Variants in C8A observed in about 807,000 individuals in gnomAD.
C8A encodes the protein complement component C8 alpha chain.
A neutral mutation model predicts 65.3 loss-of-function variants in C8A; 67 were observed. The observed-to-expected ratio is 1.03, with a 90% CI of 0.84 to 1.26. C8A has a LOEUF of 1.26. Ranked by LOEUF, C8A falls within the 50% of genes most tolerant of loss-of-function variation. The pLI, the probability that C8A is intolerant of heterozygous loss-of-function variation, is 0.00. For synonymous variants in C8A, 290 were observed against 259.4 expected, an observed-to-expected ratio of 1.12 and a Z score of -1.13; for missense variants, 781 against 723.9, an observed-to-expected ratio of 1.08 and a Z score of -0.90.
intron 8 of C8A, 99 bp downstream of exon 8, chr1:56,906,891 T>C: frequency 7.0e-7 from 1 of 1,430,566 alleles, no homozygotes; most frequent in Non-Finnish European, 9.9e-7. Flanking sequence ...GTTGATTGCA[T>C]TTTAGTCAAT....
At chr1:56,890,885 C>A (rs539874196) in intron 7 of C8A, among the ~76,000 whole-genome samples, 3 of 152,246 alleles carry the variant, frequency 2.0e-5, no homozygotes, top group African/African-American at 7.2e-5. Flanking sequence ...CTCAGCAAAT[C>A]AGTAGCCCCC....
intron 1 of C8A, among the ~76,000 whole-genome samples, chr1:56,863,904 T>C (rs1294216906): frequency 7.2e-6 from 1 of 138,806 alleles, no homozygotes; most frequent in East Asian, 2.5e-4. Context: ...CCTTCCTTCC[T>C]TTCTTCCTTC....
rs1644456415 is a variant in C8A, at chr1:56,905,339, G to A, written c.1097-1328G>A. ...CCAGTGGGATCATGGGCCTTTCCTA[G>A]GATCATACAGGGTGTTAGTGACTGG... On this transcript the variant is annotated intron_variant, in intron 7 of 10. Coordinates refer to ENST00000361249, the MANE Select transcript of C8A (RefSeq NM_000562.3). Among the ~76,000 whole-genome samples, 3 of 152,138 alleles carry A rather than the reference G, an allele frequency of 2.0e-5. No homozygotes were observed. In the East Asian group the frequency reaches 5.8e-4, roughly 29 times the overall value.
chr1:56,885,839 T>G, intron 6 of C8A, 88 bp from the exon 7 acceptor site: 1 of 1,583,776 alleles, frequency 6.3e-7, no homozygotes, highest in Non-Finnish European at 8.6e-7. Flanking sequence ...CATGAGCCAC[T>G]GCACCCAGAG....
chr1:56,913,665 T>C (rs1644528256), intron 10 of C8A, among the ~76,000 whole-genome samples: 2 of 151,820 alleles, frequency 1.3e-5, no homozygotes, highest in Admixed American at 6.6e-5. Context: ...AAACTGTTTG[T>C]ATGGTACATA....
At position 56,912,431 on chromosome 1, in the gene C8A, A is replaced by G; in HGVS notation, c.1409A>G (p.His470Arg). The change falls in exon 10 of 11, where the codon CAC (histidine) becomes CGC (arginine). Residue 470 changes from histidine (H) to arginine (R), a missense_variant. Physicochemically the swap from His to Arg is conservative, Grantham distance 29. Coordinates refer to ENST00000361249, the MANE Select transcript of C8A (RefSeq NM_000562.3). ...CAGCCTATCCACGAGGTGCTGCGGCACACAAGCCTGGGGCCTCTGGAGGCC... is the reference window on the plus strand; with the variant it reads ...CAGCCTATCCACGAGGTGCTGCGGCGCACAAGCCTGGGGCCTCTGGAGGCC... ...EMQPIHEVLR[H>R]TSLGPLEAKR... is the part of the protein sequence containing the mutation. 1 of 1,614,194 alleles carries G rather than the reference A, an allele frequency of 6.2e-7. No homozygotes were observed. The highest frequency in any genetic ancestry group is 8.5e-7 in the Non-Finnish European group (1 of 1,180,018).
intron 10 of C8A, among the ~76,000 whole-genome samples, chr1:56,915,920 T>C (rs1420679166): frequency 6.6e-6 from 1 of 152,162 alleles, no homozygotes; most frequent in Non-Finnish European, 1.5e-5. Context: ...TACCAGTTCA[T>C]GGTTATCAAT....
At chr1:56,869,195 A>G (rs1644119726) in intron 2 of C8A, among the ~76,000 whole-genome samples, 1 of 152,038 alleles carries the variant, frequency 6.6e-6, no homozygotes, top group Non-Finnish European at 1.5e-5. Context: ...CCGAGTCCCC[A>G]AAGTCCATTA....
chr1:56,907,899 A>G, intron 8 of C8A, 57 bp from the exon 9 acceptor site: 1 of 1,600,796 alleles, frequency 6.2e-7, no homozygotes, highest in Non-Finnish European at 8.6e-7. Context: ...GGGTTTGTCA[A>G]CCAGTCCTTG....
At chr1:56,861,461 C>T (rs1042001332) in intron 1 of C8A, among the ~76,000 whole-genome samples, 2 of 152,164 alleles carry the variant, frequency 1.3e-5, no homozygotes. Flanking sequence ...CCAGGAGAAC[C>T]CACTCACTAC....
chr1:56,897,186 A>G (rs79303060), intron 7 of C8A, among the ~76,000 whole-genome samples: 1 of 152,170 alleles, frequency 6.6e-6, no homozygotes, highest in African/African-American at 2.4e-5. Context: ...TATTATTTTT[A>G]TATCTATTTC....
chr1:56,914,194 C>A (rs1306913307), intron 10 of C8A, among the ~76,000 whole-genome samples: 1 of 152,150 alleles, frequency 6.6e-6, no homozygotes, highest in African/African-American at 2.4e-5. Flanking sequence ...TATTCTATGG[C>A]CACTGAGATT....
At chr1:56,905,805 G>A (rs933653141) in intron 7 of C8A, among the ~76,000 whole-genome samples, 5 of 152,184 alleles carry the variant, frequency 3.3e-5, no homozygotes, top group African/African-American at 1.2e-4. Context: ...CTACCGAAAA[G>A]GTTGAACTCT....
chr1:56,906,661 T>A lies in C8A; in HGVS notation c.1097-6T>A. The A allele has an allele frequency of 1.2e-6, 2 of 1,613,914 alleles. No homozygotes were observed. The stretch of plus-strand genomic sequence containing the variant: ...CATTTTGTGTTTCTCTGTCTCCCTG[T>A]TGCAGGTATTACCAGCAGAGATATC... On this transcript the variant is annotated splice_region_variant and splice_polypyrimidine_tract_variant and intron_variant, in intron 7 of 10. Coordinates refer to ENST00000361249, the MANE Select transcript of C8A (RefSeq NM_000562.3).
At chr1:56,871,465 T>C (rs1409220211) in intron 2 of C8A, among the ~76,000 whole-genome samples, 1 of 152,248 alleles carries the variant, frequency 6.6e-6, no homozygotes, top group Non-Finnish European at 1.5e-5. Flanking sequence ...TTATTGAGTG[T>C]ATATCAGAAA....
At chr1:56,911,065 GTT>G (rs11325191) in intron 9 of C8A, among the ~76,000 whole-genome samples, 9 of 141,872 alleles carry the variant, frequency 6.3e-5, no homozygotes, top group African/African-American at 2.4e-4. Flanking sequence ...AAAAACATGG[GTT>G]TTTTTTTTTT....
chr1:56,896,303 G>A (rs552859034), intron 7 of C8A, among the ~76,000 whole-genome samples: 14 of 152,190 alleles, frequency 9.2e-5, no homozygotes, highest in East Asian at 5.8e-4. Context: ...ATCTGCAGTC[G>A]GCAAGCTGGA....
At chr1:56,867,949 A>G (rs907196515) in intron 2 of C8A, among the ~76,000 whole-genome samples, 4 of 152,092 alleles carry the variant, frequency 2.6e-5, no homozygotes, top group Non-Finnish European at 4.4e-5. Context: ...AAAAGTCACT[A>G]TCTGTACATG....
At chr1:56,907,912 C>G (rs151327480) in intron 8 of C8A, 44 bp from the exon 9 acceptor site, 3 of 1,612,064 alleles carry the variant, frequency 1.9e-6, no homozygotes, top group Non-Finnish European at 2.5e-6. Context: ...AGTCCTTGGG[C>G]TTTTTGGGAA....
Sources: allele counts gnomAD v4.1 joint callset (sites outside exome capture counted in the v4.1 genomes callset), GRCh38; gene constraint gnomAD v4.1.1; transcripts MANE v1.5; gene names NCBI Gene and HGNC (gene_info 2026-07-23, HGNC 2026-07-21).